The following RBM25 variants were observed in gnomAD, a reference collection of about 807,000 sequenced individuals.
RBM25 encodes RNA binding motif protein 25, also known as RNA-binding protein 25.
Under a neutral mutation model 120.7 loss-of-function variants are expected in RBM25, and 19 were observed. That is an observed-to-expected ratio of 0.16 (90% CI 0.11 to 0.23). The LOEUF (loss-of-function observed/expected upper bound fraction) is 0.23, where lower values mean the gene tolerates loss of function less well. Among genes scored for constraint, RBM25 ranks in the 10% least tolerant of loss-of-function variants. RBM25 has a pLI of 1.00. For missense variants in RBM25, 605 were observed against 1,041.5 expected, an observed-to-expected ratio of 0.58 and a Z score of 5.77; for synonymous variants, 390 against 326.7, an observed-to-expected ratio of 1.19 and a Z score of -2.09.
At chr14:73,091,863 G>C (rs772364596) in intron 6 of RBM25, among the ~76,000 whole-genome samples, 2 of 151,832 alleles carry the variant, frequency 1.3e-5, no homozygotes, top group Non-Finnish European at 2.9e-5. Flanking sequence ...GGGTGACAGA[G>C]TGAGACTCTG....
At chr14:73,114,567 C>T (rs1566602471) in intron 18 of RBM25, among the ~76,000 whole-genome samples, 1 of 152,062 alleles carries the variant, frequency 6.6e-6, no homozygotes, top group Non-Finnish European at 1.5e-5. Flanking sequence ...TATATAAACT[C>T]ACTTTTGAAT....
At chr14:73,114,460 G>A in intron 18 of RBM25, 127 bp downstream of exon 18, 1 of 577,872 alleles carries the variant, frequency 1.7e-6, no homozygotes, top group Non-Finnish European at 2.8e-6. Context: ...AGGCTTAAGT[G>A]ATCCTCCTGC....
chr14:73,070,913 C>T (rs530194768), intron 1 of RBM25, among the ~76,000 whole-genome samples: 92 of 148,712 alleles, frequency 6.2e-4, no homozygotes, highest in Non-Finnish European at 1.0e-3. Flanking sequence ...CACCACTGCA[C>T]TCCAGCCTGG....
rs1896519894 is a variant in RBM25 at position 73,120,443 on chromosome 14, C to G, written c.*638C>G. The G allele has an allele frequency of 6.6e-6, 1 of 152,668 alleles. No individual in the cohort carries two copies. The highest frequency in any genetic ancestry group is 2.4e-5 in the African/African-American group (1 of 41,458). 9.5% of individuals were successfully genotyped at this position (152,668 alleles called of 1,614,324 possible). On this transcript the variant is annotated 3_prime_UTR_variant, in exon 19 of 19. Coordinates refer to ENST00000261973, the MANE Select transcript of RBM25 (RefSeq NM_021239.3). ...ATTGTAAAGGAAAAGTGGTACTGTT[C>G]CAACCTGAAATGTCTGTTATAATTA...
intron 9 of RBM25, chr14:73,099,984 A>G: frequency 5.6e-6 from 3 of 534,804 alleles, no homozygotes; most frequent in Non-Finnish European, 9.0e-6. Flanking sequence ...TCTCACTTTA[A>G]TATGAATAGA....
At chr14:73,061,602 CTT>C (rs1036242033) in intron 1 of RBM25, among the ~76,000 whole-genome samples, 5 of 151,256 alleles carry the variant, frequency 3.3e-5, no homozygotes, top group African/African-American at 1.2e-4. Flanking sequence ...GATGGGGTCT[CTT>C]TCACCCAGGT....
intron 2 of RBM25, among the ~76,000 whole-genome samples, chr14:73,073,251 T>C (rs2140428598): frequency 6.6e-6 from 1 of 152,288 alleles, no homozygotes; most frequent in South Asian, 2.1e-4. Context: ...TGGATTCAAC[T>C]ACTCATTGTA....
intron 18 of RBM25, 47 bp from the exon 19 acceptor site, chr14:73,119,666 T>A: frequency 6.2e-7 from 1 of 1,605,358 alleles, no homozygotes. Context: ...TGGCAGATGT[T>A]GATGATTGCT....
intron 10 of RBM25, among the ~76,000 whole-genome samples, chr14:73,104,231 T>C (rs1896132411): frequency 6.6e-6 from 1 of 152,124 alleles, no homozygotes; most frequent in South Asian, 2.1e-4. Context: ...CTAGCATTTT[T>C]ATTTGTTTTT....
intron 18 of RBM25, among the ~76,000 whole-genome samples, chr14:73,117,560 A>C (rs1896461893): frequency 6.6e-6 from 1 of 152,036 alleles, no homozygotes; most frequent in Non-Finnish European, 1.5e-5. Flanking sequence ...AGCACTTGTT[A>C]TATACCAGTC....
At chr14:73,085,232 G>T (rs1434365767) in intron 5 of RBM25, among the ~76,000 whole-genome samples, 1 of 151,840 alleles carries the variant, frequency 6.6e-6, no homozygotes, top group Non-Finnish European at 1.5e-5. Flanking sequence ...TTGGCCAGGA[G>T]GGTCTCGATC....
chr14:73,077,628 T>C, intron 4 of RBM25, 92 bp downstream of exon 4: 1 of 1,225,962 alleles, frequency 8.2e-7, no homozygotes, highest in Non-Finnish European at 1.1e-6. Context: ...GATTGCTTTT[T>C]ATTTTAAAAA....
Position 73,119,874 on chromosome 14 carries a change from CTT to C in RBM25, c.*71_*72del. On this transcript the variant is annotated 3_prime_UTR_variant, in exon 19 of 19. Transcript: ENST00000261973. ...ACCCTTTTAAGGACTTTGAATTTTT[CTT>C]TGTCTTTGAAGACATTGTGAGATCT... The C allele has an allele frequency of 6.5e-7, 1 of 1,526,794 alleles. No homozygotes were observed. The allele number at this position is 1,526,794 out of a possible 1,614,324, so 94.6% of individuals were successfully genotyped here. A position where few individuals can be genotyped will look rare whatever the true frequency, so the allele number is the denominator to read the frequency against.
At chr14:73,081,797 G>T (rs916006291) in intron 4 of RBM25, among the ~76,000 whole-genome samples, 3 of 152,134 alleles carry the variant, frequency 2.0e-5, no homozygotes, top group Non-Finnish European at 4.4e-5. Flanking sequence ...TCTAATGATG[G>T]TTTTCAGAAG....
chr14:73,096,673 A>G (rs767543800), intron 6 of RBM25, among the ~76,000 whole-genome samples: 3 of 152,198 alleles, frequency 2.0e-5, no homozygotes, highest in Non-Finnish European at 4.4e-5. Context: ...CTAGTCCTGA[A>G]ATTTAGGGAC....
At chr14:73,118,064 G>A (rs1896471863) in intron 18 of RBM25, among the ~76,000 whole-genome samples, 1 of 152,182 alleles carries the variant, frequency 6.6e-6, no homozygotes, top group South Asian at 2.1e-4. Flanking sequence ...AGTCATGTGT[G>A]CCCCGTGATG....
At chr14:73,086,077 C>T (rs1240663866) in intron 5 of RBM25, among the ~76,000 whole-genome samples, 2 of 151,476 alleles carry the variant, frequency 1.3e-5, no homozygotes, top group African/African-American at 4.9e-5. Context: ...GTTTTCGGCC[C>T]CAGACTTAGA....
In RBM25 at chr14:73,120,036, G is replaced by T; in HGVS notation, c.*231G>T. 1.5e-5 allele frequency: 6 copies of T among 396,308 alleles called. No homozygotes were observed. Among genetic ancestry groups the T allele is most frequent in the African/African-American group, 2.2e-5 (1 of 45,062 alleles). The allele number at this position is 396,308 out of a possible 1,614,324, so 24.5% of individuals were successfully genotyped here. ...CTCACCAGGTACAAATTACTGGTAT[G>T]TTTTATAAGCCGCAGCTACTGTACA... On this transcript the variant is annotated 3_prime_UTR_variant, in exon 19 of 19. Coordinates refer to ENST00000261973, the MANE Select transcript of RBM25 (RefSeq NM_021239.3).
chr14:73,103,901 GTCTGTCTCTCTCTC>G (rs1184304499), intron 10 of RBM25, among the ~76,000 whole-genome samples: 3 of 71,560 alleles, frequency 4.2e-5, no homozygotes, highest in Admixed American at 1.5e-4. Flanking sequence ...CTGTCTGTCT[GTCTGTCTCTCTCTC>G]TCTCTCTCTC....
Sources: allele counts gnomAD v4.1 joint callset (sites outside exome capture counted in the v4.1 genomes callset), GRCh38; gene constraint gnomAD v4.1.1; transcripts MANE v1.5; gene names NCBI Gene and HGNC (gene_info 2026-07-23, HGNC 2026-07-21).